The following NETO1 variants were observed in gnomAD, a reference collection of about 807,000 sequenced individuals.
NETO1 encodes the protein neuropilin and tolloid-like protein 1.
NETO1 carries 26 observed loss-of-function variants against 61.3 expected under a neutral mutation model. The ratio of observed to expected loss-of-function variants is 0.42; its 90% confidence interval spans 0.31 to 0.59. The LOEUF (loss-of-function observed/expected upper bound fraction) is 0.59. NETO1 is among the 20% of genes least tolerant of loss of function. NETO1 has a pLI of 0.12. For synonymous variants in NETO1, 225 were observed against 225.8 expected, an observed-to-expected ratio of 1.00 and a Z score of 0.03; for missense variants, 531 against 662.8, an observed-to-expected ratio of 0.80 and a Z score of 2.18.
intron 4 of NETO1, among the ~76,000 whole-genome samples, chr18:72,857,162 C>T (rs1227837410): frequency 2.6e-5 from 4 of 152,176 alleles, no homozygotes; most frequent in Non-Finnish European, 4.4e-5. Flanking sequence ...AGAAGTTTTG[C>T]TCTAGTTGAT....
chr18:72,762,977 GT>G (rs1198003794), intron 7 of NETO1, among the ~76,000 whole-genome samples: 3 of 152,134 alleles, frequency 2.0e-5, no homozygotes, highest in South Asian at 2.1e-4. Flanking sequence ...AGAACACATT[GT>G]TTTTTAATGT....
chr18:72,819,446 T>C (rs1285910832), intron 4 of NETO1, among the ~76,000 whole-genome samples: 1 of 152,224 alleles, frequency 6.6e-6, no homozygotes, highest in African/African-American at 2.4e-5. Context: ...AATTCTATGA[T>C]TTCAAAAATA....
chr18:72,852,408 G>A (rs2074278693), intron 4 of NETO1, among the ~76,000 whole-genome samples: 1 of 151,972 alleles, frequency 6.6e-6, no homozygotes, highest in African/African-American at 2.4e-5. Flanking sequence ...GTAGAGACAG[G>A]GTTTCACCGT....
At chr18:72,858,715 G>C in intron 4 of NETO1, 111 bp downstream of exon 4, 2 of 1,108,246 alleles carry the variant, frequency 1.8e-6, no homozygotes, top group Non-Finnish European at 2.5e-6. Context: ...GTTTTAAATA[G>C]AACTGGAACA....
chr18:72,824,040 T>C (rs2145321716), intron 4 of NETO1, among the ~76,000 whole-genome samples: 1 of 152,358 alleles, frequency 6.6e-6, no homozygotes, highest in African/African-American at 2.4e-5. Context: ...TAGAAAATAG[T>C]GTTGGGAACA....
chr18:72,861,591 T>G (rs1260247858), intron 3 of NETO1, among the ~76,000 whole-genome samples: 1 of 152,204 alleles, frequency 6.6e-6, no homozygotes, highest in Non-Finnish European at 1.5e-5. Context: ...TTCACCTGGA[T>G]AGTGCACATA....
chr18:72,815,477 A>G (rs987434776), intron 4 of NETO1, among the ~76,000 whole-genome samples: 7 of 152,176 alleles, frequency 4.6e-5, no homozygotes, highest in African/African-American at 1.7e-4. Context: ...ACAACACAAC[A>G]TAAGACAGGC....
Position 72,841,733 on chromosome 18 carries a change from CAACA to C in NETO1, c.469+17089_469+17092del, listed in dbSNP as rs1380217472. On this transcript the variant is annotated intron_variant, in intron 4 of 10. Coordinates refer to ENST00000327305, the MANE Select transcript of NETO1 (RefSeq NM_138966.5). The stretch of plus-strand genomic sequence containing the variant: ...TGGGAGACAGAGTGAGACTCTACCT[CAACA>C]AAAAAAAAAAAAAAAAAAAAGTCAC... 5.5e-4 allele frequency among the ~76,000 whole-genome samples: 39 copies of C among 70,990 alleles called. 4 individuals are homozygous for C. Among genetic ancestry groups the C allele is most frequent in the Non-Finnish European group, 8.6e-4 (33 of 38,278 alleles). 46.6% of individuals were successfully genotyped at this position (70,990 alleles called of 152,430 possible).
chr18:72,778,174 C>T (rs1003969441), intron 7 of NETO1, among the ~76,000 whole-genome samples: 2 of 152,148 alleles, frequency 1.3e-5, no homozygotes, highest in East Asian at 3.9e-4. Flanking sequence ...TAAACACTGG[C>T]CCTCTGGAGC....
chr18:72,782,920 T>A (rs1024596541), intron 7 of NETO1, among the ~76,000 whole-genome samples: 1 of 152,224 alleles, frequency 6.6e-6, no homozygotes. Flanking sequence ...TGCTGAACAT[T>A]TGTATATGCT....
Position 72,816,367 on chromosome 18 carries a change from G to T in NETO1, c.470-21963C>A, listed in dbSNP as rs539848451. On this transcript the variant is annotated intron_variant, in intron 4 of 10. Transcript: ENST00000327305. The stretch of plus-strand genomic sequence containing the variant: ...AGGAACTGGACTACTTATGTTGTTT[G>T]GTAAAACCACAAAATTTCAAAGGCT... 4.6e-5 allele frequency among the ~76,000 whole-genome samples: 7 copies of T among 152,256 alleles called. No individual in the cohort carries two copies. In the East Asian group the frequency reaches 1.4e-3, roughly 29 times the overall value.
intron 4 of NETO1, among the ~76,000 whole-genome samples, chr18:72,811,878 G>C (rs1413397005): frequency 1.3e-5 from 2 of 152,144 alleles, no homozygotes; most frequent in Non-Finnish European, 2.9e-5. Context: ...TTGGTTCTTG[G>C]AGACCTTTCT....
At chr18:72,840,117 C>T (rs1409182160) in intron 4 of NETO1, among the ~76,000 whole-genome samples, 6 of 152,196 alleles carry the variant, frequency 3.9e-5, no homozygotes, top group Non-Finnish European at 1.5e-5. Context: ...AAAATGCAGA[C>T]TGCCCTAGCT....
At chr18:72,820,145 T>C (rs2073145713) in intron 4 of NETO1, among the ~76,000 whole-genome samples, 1 of 152,234 alleles carries the variant, frequency 6.6e-6, no homozygotes, top group East Asian at 1.9e-4. Flanking sequence ...AATTTTAAAA[T>C]GGTCTTTTGA....
chr18:72,846,767 T>C (rs2074103403), intron 4 of NETO1, among the ~76,000 whole-genome samples: 1 of 152,170 alleles, frequency 6.6e-6, no homozygotes, highest in African/African-American at 2.4e-5. Context: ...TAACCTATTA[T>C]TTACAACAGC....
intron 10 of NETO1, among the ~76,000 whole-genome samples, chr18:72,748,687 T>G (rs1464836619): frequency 1.3e-5 from 2 of 152,074 alleles, no homozygotes; most frequent in Non-Finnish European, 2.9e-5. Flanking sequence ...AAACCTTGGT[T>G]TTTTTCGAGT....
intron 8 of NETO1, 122 bp downstream of exon 8, chr18:72,755,912 T>C (rs914121961): frequency 1.6e-5 from 9 of 566,688 alleles, no homozygotes; most frequent in Middle Eastern, 2.7e-4. Context: ...ATAAGACATA[T>C]GCGGTGGTCA....
chr18:72,832,978 A>C (rs553054847), intron 4 of NETO1, among the ~76,000 whole-genome samples: 1 of 152,274 alleles, frequency 6.6e-6, no homozygotes, highest in East Asian at 1.9e-4. Context: ...GGCTATGTAA[A>C]TGTCTCTAAT....
intron 4 of NETO1, among the ~76,000 whole-genome samples, chr18:72,823,890 C>G (rs1013664263): frequency 6.6e-6 from 1 of 152,066 alleles, no homozygotes; most frequent in Admixed American, 6.6e-5. Context: ...CTACTCTCTG[C>G]CCCTAAACAG....
Sources: gnomAD v4.1 joint callset for allele counts (sites outside exome capture counted in the v4.1 genomes callset) on GRCh38, gnomAD v4.1.1 for gene constraint, MANE v1.5 for transcripts, NCBI Gene and HGNC (gene_info 2026-07-23, HGNC 2026-07-21) for gene names.